Variants in ATAD5 observed in about 807,000 individuals in gnomAD.
ATAD5 encodes the protein ATPase family AAA domain-containing protein 5.
A neutral mutation model predicts 176.9 loss-of-function variants in ATAD5; 58 were observed. The observed-to-expected ratio is 0.33, with a 90% CI of 0.27 to 0.41. The LOEUF (loss-of-function observed/expected upper bound fraction) is 0.41. Ranked by LOEUF, ATAD5 falls within the 10% of genes least tolerant of loss-of-function variation. ATAD5 has a pLI of 1.00. For missense variants in ATAD5, 1,789 were observed against 2,094.1 expected (o/e 0.85, Z 2.84); for synonymous variants, 640 against 712.6 (o/e 0.90, Z 1.62).
At position 30,869,265 on chromosome 17, in the gene ATAD5, G is replaced by C; in HGVS notation, c.3331G>C (p.Asp1111His). The C allele has an allele frequency of 1.9e-6, 3 of 1,607,606 alleles. No homozygotes were observed. The highest frequency in any genetic ancestry group is 2.5e-6 in the Non-Finnish European group (3 of 1,178,530). Residue 1111 changes from aspartate to histidine, a missense_variant, in exon 13 of 23, where the codon GAC (aspartate) becomes CAC (histidine). By Grantham distance (81) the Asp-to-His change is moderately conservative. This residue lies in a region of ATAD5 where 487 missense variants were observed against 573.6 expected (regional missense o/e 0.85). Transcript: ENST00000321990. ...EKHEDFSGGI[D>H]FKGSSDDEEE... ...TTTTTCAGATTTCTCGGGTGGCATAGACTTTAAAGGCAGTTCAGATGATGA... is the reference window on the plus strand; with the variant it reads ...TTTTTCAGATTTCTCGGGTGGCATACACTTTAAAGGCAGTTCAGATGATGA...
intron 4 of ATAD5, among the ~76,000 whole-genome samples, chr17:30,842,984 C>A (rs911580532): frequency 2.0e-5 from 3 of 151,946 alleles, no homozygotes; most frequent in African/African-American, 7.2e-5. Context: ...CTCAGGTAAT[C>A]CCCCCTGCCT....
chr17:30,840,166 C>G (rs1906012303), intron 3 of ATAD5, among the ~76,000 whole-genome samples: 2 of 144,028 alleles, frequency 1.4e-5, no homozygotes, highest in South Asian at 4.4e-4. Context: ...CCACTGCACT[C>G]TAGCCTTGGC....
intron 6 of ATAD5, among the ~76,000 whole-genome samples, chr17:30,851,760 C>G (rs545742065): frequency 3.3e-5 from 5 of 152,136 alleles, no homozygotes; most frequent in African/African-American, 1.2e-4. Context: ...TTTTTGTACT[C>G]TTAGTAGAGA....
chr17:30,837,388 A>T, intron 3 of ATAD5, 74 bp downstream of exon 3: 1 of 986,762 alleles, frequency 1.0e-6, no homozygotes, highest in Non-Finnish European at 1.5e-6. Context: ...CCCCCACATT[A>T]CTATGGGAAG....
intron 9 of ATAD5, among the ~76,000 whole-genome samples, chr17:30,858,542 C>T (rs1365387525): frequency 2.6e-5 from 4 of 151,920 alleles, no homozygotes; most frequent in African/African-American, 4.8e-5. Context: ...CCCACCATGA[C>T]GCCCTGCTAA....
Position 30,835,358 on chromosome 17 carries a change from A to G in ATAD5, c.1277A>G (p.Gln426Arg), listed in dbSNP as rs141677716. Residue 426 changes from glutamine (Q) to arginine (R), a missense_variant, in exon 2 of 23, where the codon CAG becomes CGG. Gln to Arg is a conservative substitution (Grantham distance 43, BLOSUM62 1). Around this residue, in one of 6 missense-constraint regions of ATAD5, gnomAD observed 696 missense variants for 712.5 expected, o/e 0.98. Coordinates refer to ENST00000321990, the MANE Select transcript of ATAD5 (RefSeq NM_024857.5). ...GGAGTTAAAAAGTCTTCTGATAAGC[A>G]GAAAGACCTTAATGAAAAATGTCTA... ...KNGVKKSSDK[Q>R]KDLNEKCLYE... The G allele has an allele frequency of 6.2e-7, 1 of 1,612,224 alleles. No homozygotes were observed. Among genetic ancestry groups the G allele is most frequent in the African/African-American group, 1.3e-5 (1 of 74,778 alleles).
intron 3 of ATAD5, among the ~76,000 whole-genome samples, chr17:30,839,116 G>A (rs1445046673): frequency 6.6e-6 from 1 of 152,126 alleles, no homozygotes; most frequent in African/African-American, 2.4e-5. Context: ...ATTCAGGCAT[G>A]AGCCACTGTG....
chr17:30,873,689 CTT>C (rs775055653), intron 14 of ATAD5, among the ~76,000 whole-genome samples: 14 of 129,572 alleles, frequency 1.1e-4, no homozygotes, highest in African/African-American at 2.4e-4. Flanking sequence ...TAAAAATTGC[CTT>C]TTTTTTTTTT....
At position 30,887,177 on chromosome 17, in the gene ATAD5, C is replaced by G. The variant is rs1314927318; in HGVS notation, c.4078-15C>G. On this transcript the variant is annotated splice_polypyrimidine_tract_variant and intron_variant, in intron 18 of 22. Coordinates refer to ENST00000321990, the MANE Select transcript of ATAD5 (RefSeq NM_024857.5). ...GAACTCAGCAGTTAACCACATTTCTCTCTCTGTTTTGAAGCTAAATGTTGC... is the reference window on the plus strand; with the variant it reads ...GAACTCAGCAGTTAACCACATTTCTGTCTCTGTTTTGAAGCTAAATGTTGC... 38 of 1,556,988 alleles carry G rather than the reference C, an allele frequency of 2.4e-5. No individual in the cohort carries two copies. The highest frequency in any genetic ancestry group is 3.1e-5 in the Non-Finnish European group (36 of 1,155,604).
chr17:30,883,680 G>A (rs1909154432), intron 18 of ATAD5, among the ~76,000 whole-genome samples: 1 of 152,040 alleles, frequency 6.6e-6, no homozygotes, highest in Non-Finnish European at 1.5e-5. Context: ...CCGAGTAGCT[G>A]GGACTACAGG....
At chr17:30,850,714 G>C (rs1464243673) in intron 6 of ATAD5, among the ~76,000 whole-genome samples, 3 of 149,940 alleles carry the variant, frequency 2.0e-5, no homozygotes, top group Non-Finnish European at 3.0e-5. Flanking sequence ...AATTAGGAAA[G>C]AAGAATATAT....
intron 10 of ATAD5, among the ~76,000 whole-genome samples, chr17:30,860,840 T>A (rs1055099319): frequency 6.6e-6 from 1 of 152,196 alleles, no homozygotes. Context: ...ACCTCCTGGG[T>A]TCAGGTGATT....
chr17:30,888,618 A>G (rs1358006477), intron 19 of ATAD5, among the ~76,000 whole-genome samples: 7 of 152,124 alleles, frequency 4.6e-5, no homozygotes, highest in African/African-American at 1.7e-4. Context: ...TTTCCTGGCT[A>G]TGCTACTCTT....
At chr17:30,852,286 A>G (rs1907015598) in intron 6 of ATAD5, among the ~76,000 whole-genome samples, 1 of 152,056 alleles carries the variant, frequency 6.6e-6, no homozygotes, top group Non-Finnish European at 1.5e-5. Context: ...TGTCCCTTTG[A>G]CATGTCCTCA....
chr17:30,894,520 T>C, intron 21 of ATAD5, 44 bp from the exon 22 acceptor site: 1 of 1,567,914 alleles, frequency 6.4e-7, no homozygotes, highest in Non-Finnish European at 8.6e-7. Flanking sequence ...TTACTGCATT[T>C]TTCTTGGGCA....
Position 30,878,723 on chromosome 17 carries a change from T to TTG in ATAD5, c.4012+628_4012+629insGT, listed in dbSNP as rs1555559787. 1.9e-3 allele frequency among the ~76,000 whole-genome samples: 159 copies of TTG among 82,528 alleles called. 3 individuals carry two copies. The highest frequency in any genetic ancestry group is 9.0e-3 in the African/African-American group (152 of 16,840). 54.1% of individuals were successfully genotyped at this position (82,528 alleles called of 152,430 possible). Reference sequence around the variant, plus strand: ...TTAATCAGAAGTTAGGTGGTGTTTTTTTTTTTTTTTTTTTTTTTTTTTTTT... The same window carrying TTG: ...TTAATCAGAAGTTAGGTGGTGTTTTTTGTTTTTTTTTTTTTTTTTTTTTTTTT... On this transcript the variant is annotated intron_variant, in intron 17 of 22. Coordinates refer to ENST00000321990, the MANE Select transcript of ATAD5 (RefSeq NM_024857.5).
chr17:30,881,283 A>G (rs1165781582), intron 18 of ATAD5, among the ~76,000 whole-genome samples: 1 of 151,816 alleles, frequency 6.6e-6, no homozygotes, highest in East Asian at 1.9e-4. Context: ...TTATTTTTTT[A>G]GGTGAGGTCT....
rs766763099 is a variant in ATAD5, at chr17:30,887,173, TTC to T, written c.4078-11_4078-10del. ...ATTTGAACTCAGCAGTTAACCACAT[TTC>T]TCTCTCTGTTTTGAAGCTAAATGTT... On this transcript the variant is annotated splice_polypyrimidine_tract_variant and intron_variant, in intron 18 of 22. Transcript: ENST00000321990. The T allele has an allele frequency of 3.9e-6, 6 of 1,555,418 alleles. No homozygotes were observed. Among genetic ancestry groups the T allele is most frequent in the Middle Eastern group, 1.7e-4 (1 of 5,898 alleles).
chr17:30,859,019 A>G (rs1907459102), intron 9 of ATAD5, among the ~76,000 whole-genome samples: 1 of 152,190 alleles, frequency 6.6e-6, no homozygotes, highest in Non-Finnish European at 1.5e-5. Context: ...TACAGGCATG[A>G]GTCACCACGC....
Sources: allele counts gnomAD v4.1 joint callset (sites outside exome capture counted in the v4.1 genomes callset), GRCh38; gene constraint gnomAD v4.1.1; regional missense constraint gnomAD v4.1.1; transcripts MANE v1.5; gene names NCBI Gene and HGNC (gene_info 2026-07-23, HGNC 2026-07-21).